The following NELL1 variants were observed in gnomAD, a reference collection of about 807,000 sequenced individuals.
NELL1 encodes the protein protein kinase C-binding protein NELL1.
A neutral mutation model predicts 107.4 loss-of-function variants in NELL1; 76 were observed. That is an observed-to-expected ratio of 0.71 (90% CI 0.59 to 0.86). NELL1 has a LOEUF of 0.86. NELL1 is among the 40% of genes least tolerant of loss of function. NELL1 has a pLI of 0.00. For missense variants in NELL1, 1,024 were observed against 1,005.5 expected (o/e 1.02, Z -0.25); for synonymous variants, 353 against 341.2 (o/e 1.03, Z -0.38).
At chr11:20,972,917 T>A (rs963506781) in intron 12 of NELL1, among the ~76,000 whole-genome samples, 1 of 152,088 alleles carries the variant, frequency 6.6e-6, no homozygotes, top group Non-Finnish European at 1.5e-5. Flanking sequence ...GTGAAACCCA[T>A]AGGATCCATT....
intron 3 of NELL1, among the ~76,000 whole-genome samples, chr11:20,841,319 GTTT>G (rs397772940): frequency 6.5e-5 from 8 of 123,472 alleles, no homozygotes; most frequent in Admixed American, 1.7e-4. Context: ...CTCTGCTCAT[GTTT>G]TTTTTTTTTT....
At chr11:21,087,986 C>A (rs1019609900) in intron 12 of NELL1, among the ~76,000 whole-genome samples, 1 of 151,830 alleles carries the variant, frequency 6.6e-6, no homozygotes, top group East Asian at 1.9e-4. Context: ...AGTTTGCCAT[C>A]CCTAATTCCC....
chr11:21,166,571 A>G (rs960236919), intron 13 of NELL1, among the ~76,000 whole-genome samples: 1 of 151,858 alleles, frequency 6.6e-6, no homozygotes, highest in Admixed American at 6.6e-5. Context: ...CATGTAACCC[A>G]TAAATATATA....
chr11:20,951,750 G>T (rs554024182), intron 11 of NELL1, among the ~76,000 whole-genome samples: 71 of 152,160 alleles, frequency 4.7e-4, no homozygotes, highest in South Asian at 4.0e-3. Flanking sequence ...GTAGTTTGTG[G>T]GACTCATGGT....
intron 4 of NELL1, among the ~76,000 whole-genome samples, chr11:20,876,101 C>CTTTTTTG (rs1194857329): frequency 6.6e-6 from 1 of 152,172 alleles, no homozygotes; most frequent in Non-Finnish European, 1.5e-5. Context: ...TGTGCCTTCT[C>CTTTTTTG]TTTTTTGTTT....
At chr11:21,379,339 T>C (rs545098722) in intron 15 of NELL1, among the ~76,000 whole-genome samples, 44 of 152,156 alleles carry the variant, frequency 2.9e-4, no homozygotes, top group African/African-American at 1.0e-3. Context: ...AGACCTTGAC[T>C]TTCTCCTCCA....
intron 14 of NELL1, among the ~76,000 whole-genome samples, chr11:21,336,182 A>G (rs1038398453): frequency 6.6e-6 from 1 of 152,104 alleles, no homozygotes; most frequent in East Asian, 1.9e-4. Context: ...TTAAACTAGA[A>G]CCTTTTTATG....
At chr11:20,826,526 G>A (rs1339140792) in intron 3 of NELL1, among the ~76,000 whole-genome samples, 1 of 151,122 alleles carries the variant, frequency 6.6e-6, no homozygotes, top group Non-Finnish European at 1.5e-5. Flanking sequence ...GCACACCAGG[G>A]GACAGCTGGC....
chr11:21,394,166 T>C (rs921533585), intron 15 of NELL1, among the ~76,000 whole-genome samples: 3 of 151,586 alleles, frequency 2.0e-5, no homozygotes, highest in African/African-American at 7.3e-5. Flanking sequence ...CCTATAGGAT[T>C]AGACATTATT....
At chr11:21,537,473 G>C (rs1339693765) in intron 16 of NELL1, among the ~76,000 whole-genome samples, 1 of 152,046 alleles carries the variant, frequency 6.6e-6, no homozygotes, top group African/African-American at 2.4e-5. Context: ...CTCTCTTGTT[G>C]TATGGCTGCC....
At chr11:21,209,348 TAA>T (rs1390735868) in intron 13 of NELL1, among the ~76,000 whole-genome samples, 16 of 138,204 alleles carry the variant, frequency 1.2e-4, no homozygotes, top group Admixed American at 4.4e-4. Context: ...TATATATATA[TAA>T]AATACATAAT....
intron 14 of NELL1, among the ~76,000 whole-genome samples, chr11:21,303,843 G>A (rs1262364258): frequency 6.6e-6 from 1 of 152,000 alleles, no homozygotes; most frequent in Non-Finnish European, 1.5e-5. Context: ...CAGGATCAAG[G>A]TGCTGGAGAA....
rs1013526430 is a variant in NELL1, at chr11:21,170,707, A to T, written c.1426+56993A>T. ...CTGTAGTTTATATATATACTGTATT[A>T]TATATATATATATCTGTCACTCTAT... On this transcript the variant is annotated intron_variant, in intron 13 of 19. Coordinates refer to ENST00000357134, the MANE Select transcript of NELL1 (RefSeq NM_006157.5). Among the ~76,000 whole-genome samples, 166 of 60,700 alleles carry T rather than the reference A, an allele frequency of 2.7e-3. 4 individuals are homozygous for T. Among genetic ancestry groups the T allele is most frequent in the African/African-American group, 0.01 (163 of 15,664 alleles). 39.8% of individuals were successfully genotyped at this position (60,700 alleles called of 152,430 possible). A position where few individuals can be genotyped will look rare whatever the true frequency, so the allele number is the denominator to read the frequency against.
At chr11:21,358,565 A>ATTTT (rs75578174) in intron 14 of NELL1, among the ~76,000 whole-genome samples, 3,760 of 97,316 alleles carry the variant, frequency 0.039, 58 homozygotes, top group Non-Finnish European at 0.062. Context: ...TGCCCTGATA[A>ATTTT]TTTTTTTTTT....
At chr11:20,673,823 C>A (rs747592239) in intron 1 of NELL1, among the ~76,000 whole-genome samples, 1 of 149,932 alleles carries the variant, frequency 6.7e-6, no homozygotes, top group Non-Finnish European at 1.5e-5. Flanking sequence ...CATGCTTGGA[C>A]AAGAAGCAGA....
At chr11:21,489,726 T>G (rs986959722) in intron 15 of NELL1, among the ~76,000 whole-genome samples, 5 of 151,778 alleles carry the variant, frequency 3.3e-5, no homozygotes, top group Non-Finnish European at 5.9e-5. Flanking sequence ...CACAGAAAAA[T>G]CATTTGATAA....
intron 7 of NELL1, among the ~76,000 whole-genome samples, chr11:20,925,868 T>C (rs2134169944): frequency 6.6e-6 from 1 of 152,308 alleles, no homozygotes; most frequent in Middle Eastern, 3.4e-3. Flanking sequence ...GTGGATTCCA[T>C]TTCCAGAGAG....
intron 2 of NELL1, among the ~76,000 whole-genome samples, chr11:20,751,340 A>G (rs1220808733): frequency 2.0e-5 from 3 of 152,226 alleles, no homozygotes; most frequent in African/African-American, 7.2e-5. Context: ...AATATTTTTA[A>G]TACTAATACA....
At chr11:20,826,988 A>G (rs1040024172) in intron 3 of NELL1, among the ~76,000 whole-genome samples, 2 of 151,258 alleles carry the variant, frequency 1.3e-5, no homozygotes, top group African/African-American at 4.8e-5. Flanking sequence ...ATCTGGCTCT[A>G]TTGCTCACTG....
Sources: allele counts gnomAD v4.1 joint callset (sites outside exome capture counted in the v4.1 genomes callset), GRCh38; gene constraint gnomAD v4.1.1; transcripts MANE v1.5; gene names NCBI Gene and HGNC (gene_info 2026-07-23, HGNC 2026-07-21).